Variants in MARCHF1 observed in about 807,000 individuals in gnomAD.
The protein encoded by MARCHF1 is E3 ubiquitin-protein ligase MARCHF1.
In MARCHF1, 40 loss-of-function variants were observed where a neutral mutation model predicts 54.2. The observed-to-expected ratio is 0.74, with a 90% confidence interval of 0.57 to 0.96. The LOEUF is 0.96. MARCHF1 is among the 40% of genes least tolerant of loss of function. The probability of loss-of-function intolerance (pLI) is 0.00; values close to 1 mark genes in which losing one functional copy is unlikely to be tolerated. For missense variants in MARCHF1, 586 were observed against 656.5 expected (o/e 0.89, Z 1.17); for synonymous variants, 236 against 236.3 (o/e 1.00, Z 0.01).
intron 3 of MARCHF1, chr4:163,932,695 G>A: frequency 1.9e-6 from 1 of 516,150 alleles, no homozygotes; most frequent in South Asian, 1.7e-5. Flanking sequence ...TCCACCTGCA[G>A]GGTCATCTTA....
chr4:163,600,965 T>C (rs186949427), intron 7 of MARCHF1, among the ~76,000 whole-genome samples: 23 of 152,328 alleles, frequency 1.5e-4, no homozygotes, highest in Middle Eastern at 3.4e-3. Context: ...CTGGAGTCCT[T>C]GTATCTGACA....
At chr4:164,262,678 G>C (rs1329931584) in intron 1 of MARCHF1, among the ~76,000 whole-genome samples, 1 of 152,302 alleles carries the variant, frequency 6.6e-6, no homozygotes, top group East Asian at 1.9e-4. Flanking sequence ...GTTCCCTTAA[G>C]CTGTGTGGAT....
At chr4:164,367,719 GGTT>G (rs72018549) in intron 1 of MARCHF1, among the ~76,000 whole-genome samples, 77,687 of 151,080 alleles carry the variant, frequency 0.51, 20,820 homozygotes, top group East Asian at 0.65. Context: ...TTAAAAATTA[GGTT>G]GTTTTTATTT....
intron 1 of MARCHF1, among the ~76,000 whole-genome samples, chr4:164,351,267 A>C (rs1344982309): frequency 6.7e-6 from 1 of 150,048 alleles, no homozygotes; most frequent in East Asian, 2.0e-4. Flanking sequence ...ACGACAGCTC[A>C]AGGAGGCCTG....
At chr4:164,133,459 C>G (rs1756341732) in intron 1 of MARCHF1, among the ~76,000 whole-genome samples, 2 of 152,106 alleles carry the variant, frequency 1.3e-5, no homozygotes, top group African/African-American at 4.8e-5. Flanking sequence ...AATGGGTTAT[C>G]ATATTATTGA....
intron 2 of MARCHF1, among the ~76,000 whole-genome samples, chr4:164,050,669 A>T (rs1298438481): frequency 6.7e-6 from 1 of 149,150 alleles, no homozygotes; most frequent in Non-Finnish European, 1.5e-5. Flanking sequence ...TAAAATCTGC[A>T]TTTTAATAAT....
At chr4:164,058,199 A>T (rs1410978721) in intron 2 of MARCHF1, among the ~76,000 whole-genome samples, 2 of 152,140 alleles carry the variant, frequency 1.3e-5, no homozygotes, top group Non-Finnish European at 2.9e-5. Flanking sequence ...GCAACAAACC[A>T]CCATGGCACT....
chr4:164,368,742 T>G (rs1373976512), intron 1 of MARCHF1, among the ~76,000 whole-genome samples: 1 of 152,172 alleles, frequency 6.6e-6, no homozygotes, highest in African/African-American at 2.4e-5. Flanking sequence ...TTGTAACACT[T>G]GAACATCCAT....
At chr4:163,709,004 G>C (rs959887001) in intron 4 of MARCHF1, among the ~76,000 whole-genome samples, 1 of 152,142 alleles carries the variant, frequency 6.6e-6, no homozygotes, top group African/African-American at 2.4e-5. Context: ...ATAGAAAAAT[G>C]TGTAGAGGAC....
rs566188692 is a variant in MARCHF1 at position 164,112,361 on chromosome 4, G to T, written c.-322-699C>A. Among the ~76,000 whole-genome samples, 10 of 151,976 alleles carry T rather than the reference G, an allele frequency of 6.6e-5. No homozygotes were observed. In the South Asian group the frequency reaches 2.1e-3, roughly 32 times the overall value. On this transcript the variant is annotated intron_variant, in intron 1 of 9. Coordinates refer to ENST00000514618, the MANE Select transcript of MARCHF1 (RefSeq NM_001394959.1). ...AAATTGCCTTTGTTTAGTTGAAAGGGCTAAGGATACAATTGTGTGTATAAT... is the reference window on the plus strand; with the variant it reads ...AAATTGCCTTTGTTTAGTTGAAAGGTCTAAGGATACAATTGTGTGTATAAT...
At chr4:164,241,458 T>G (rs1732747539) in intron 1 of MARCHF1, among the ~76,000 whole-genome samples, 1 of 152,210 alleles carries the variant, frequency 6.6e-6, no homozygotes, top group African/African-American at 2.4e-5. Context: ...TTTTCATCTT[T>G]TTTGACAATA....
intron 5 of MARCHF1, among the ~76,000 whole-genome samples, chr4:163,684,500 T>C (rs1442702424): frequency 1.3e-5 from 2 of 152,242 alleles, no homozygotes. Flanking sequence ...CTACCATTTG[T>C]TCTTTTTACC....
At chr4:164,166,897 A>G (rs921757650) in intron 1 of MARCHF1, among the ~76,000 whole-genome samples, 2 of 80,424 alleles carry the variant, frequency 2.5e-5, no homozygotes, top group Non-Finnish European at 9.3e-5. Flanking sequence ...TTTTGGTAAA[A>G]ATAAAAAAAC....
chr4:164,357,218 T>G (rs1308541448), intron 1 of MARCHF1, among the ~76,000 whole-genome samples: 1 of 152,086 alleles, frequency 6.6e-6, no homozygotes, highest in Non-Finnish European at 1.5e-5. Flanking sequence ...TTTCAGCAAG[T>G]TAAACATGAC....
chr4:163,745,045 C>T (rs898154860), intron 4 of MARCHF1, among the ~76,000 whole-genome samples: 30 of 151,974 alleles, frequency 2.0e-4, no homozygotes, highest in African/African-American at 6.8e-4. Context: ...CAATCTCACG[C>T]CAGAAGTGAA....
At chr4:163,764,152 A>G (rs892775627) in intron 4 of MARCHF1, among the ~76,000 whole-genome samples, 2 of 152,052 alleles carry the variant, frequency 1.3e-5, no homozygotes, top group Non-Finnish European at 2.9e-5. Context: ...TAGTAGGCCC[A>G]GGCATTGTTC....
chr4:163,572,123 T>C (rs1331528962), intron 8 of MARCHF1, among the ~76,000 whole-genome samples: 1 of 152,090 alleles, frequency 6.6e-6, no homozygotes, highest in African/African-American at 2.4e-5. Flanking sequence ...TTTCTCACCA[T>C]GGTTTGCTTT....
At position 163,986,249 on chromosome 4, in the gene MARCHF1, C is replaced by CTTTTTTTTTTTT. The variant is rs869081083; in HGVS notation, c.-39+2240_-39+2251dup. Among the ~76,000 whole-genome samples the CTTTTTTTTTTTT allele has an allele frequency of 4.4e-3, 127 of 28,832 alleles. 26 individuals are homozygous for CTTTTTTTTTTTT. The highest frequency in any genetic ancestry group is 5.2e-3 in the East Asian group (5 of 958). The allele number at this position is 28,832 out of a possible 152,430, so 18.9% of individuals were successfully genotyped here. ...TTCCTTTTCTCCTAATTAACCTCTT[C>CTTTTTTTTTTTT]TTTTTTTTTTTTTTTTTTTTTTTTT... is the stretch of plus-strand genomic sequence containing the variant. On this transcript the variant is annotated intron_variant, in intron 3 of 9. Coordinates refer to ENST00000514618, the MANE Select transcript of MARCHF1 (RefSeq NM_001394959.1).
chr4:164,077,102 A>G (rs1038691541), intron 2 of MARCHF1, among the ~76,000 whole-genome samples: 4 of 152,196 alleles, frequency 2.6e-5, no homozygotes, highest in African/African-American at 9.6e-5. Flanking sequence ...ACAAAGCTGG[A>G]GGCATCACGC....
Sources: gnomAD v4.1 joint callset for allele counts (sites outside exome capture counted in the v4.1 genomes callset) on GRCh38, gnomAD v4.1.1 for gene constraint, MANE v1.5 for transcripts, NCBI Gene and HGNC (gene_info 2026-07-23, HGNC 2026-07-21) for gene names.